The following LRP1B variants were observed in gnomAD, a reference collection of about 807,000 sequenced individuals.
LRP1B encodes the protein low-density lipoprotein receptor-related protein 1B.
In LRP1B, 217 loss-of-function variants were observed where a neutral mutation model predicts 556.6. The ratio of observed to expected loss-of-function variants is 0.39; its 90% CI spans 0.35 to 0.44. The LOEUF is 0.44. Among genes scored for constraint, LRP1B ranks in the 20% least tolerant of loss-of-function variants. The pLI is 1.00. For missense variants in LRP1B, 5,053 were observed against 5,620.8 expected (o/e 0.90, Z 3.23); for synonymous variants, 2,047 against 1,865.8 (o/e 1.10, Z -2.50).
At chr2:140,406,675 G>T (rs553669495) in intron 66 of LRP1B, among the ~76,000 whole-genome samples, 2 of 152,198 alleles carry the variant, frequency 1.3e-5, no homozygotes, top group East Asian at 3.9e-4. Flanking sequence ...ATAAAACATT[G>T]TTGGAAGAAA....
intron 2 of LRP1B, among the ~76,000 whole-genome samples, chr2:141,741,618 C>T (rs921192206): frequency 1.1e-4 from 16 of 152,052 alleles, no homozygotes; most frequent in African/African-American, 2.4e-4. Flanking sequence ...CTATACAGAT[C>T]TTTTGCCCAT....
chr2:141,286,876 C>T, intron 3 of LRP1B: 3 of 309,058 alleles, frequency 9.7e-6, no homozygotes, highest in East Asian at 8.7e-5. Flanking sequence ...TATTCTACAT[C>T]GGCATTGCCC....
intron 43 of LRP1B, among the ~76,000 whole-genome samples, chr2:140,549,193 C>T (rs1680455364): frequency 6.6e-6 from 1 of 152,044 alleles, no homozygotes; most frequent in Admixed American, 6.6e-5. Flanking sequence ...TTCACTAGGT[C>T]AGGTATTGAC....
intron 2 of LRP1B, among the ~76,000 whole-genome samples, chr2:141,707,496 T>C (rs1692188142): frequency 6.6e-6 from 1 of 152,116 alleles, no homozygotes; most frequent in Non-Finnish European, 1.5e-5. Context: ...AGAAATCCTC[T>C]ATTTAAGGGA....
chr2:141,006,191 A>G (rs1238094096), intron 14 of LRP1B, among the ~76,000 whole-genome samples: 2 of 152,092 alleles, frequency 1.3e-5, no homozygotes, highest in African/African-American at 4.8e-5. Context: ...AATTGTTCAT[A>G]GTCATAGTGA....
At position 141,946,813 on chromosome 2, in the gene LRP1B, A is replaced by G. The variant is rs566179867; in HGVS notation, c.83-136412T>C. 2.3e-4 allele frequency among the ~76,000 whole-genome samples: 35 copies of G among 152,310 alleles called. 1 individual carries two copies. The highest frequency in any genetic ancestry group is 8.2e-4 in the African/African-American group (34 of 41,566). On this transcript the variant is annotated intron_variant, in intron 1 of 90. Coordinates refer to ENST00000389484, the MANE Select transcript of LRP1B (RefSeq NM_018557.3). Reference sequence around the variant, plus strand: ...CCGACATTATTTGTTATAAGCCTAAAATAGATTTTTTAAAGTAACTTTAAT... The same window carrying G: ...CCGACATTATTTGTTATAAGCCTAAGATAGATTTTTTAAAGTAACTTTAAT...
At chr2:141,399,101 C>A (rs1690353290) in intron 3 of LRP1B, among the ~76,000 whole-genome samples, 1 of 151,946 alleles carries the variant, frequency 6.6e-6, no homozygotes, top group Non-Finnish European at 1.5e-5. Context: ...ACTAAAAATA[C>A]AAAAATTAGC....
chr2:141,483,136 T>C (rs1317991392), intron 2 of LRP1B, among the ~76,000 whole-genome samples: 3 of 112,484 alleles, frequency 2.7e-5, no homozygotes, highest in East Asian at 3.1e-4. Flanking sequence ...CAACAGTCCC[T>C]GGAGTGTGAT....
chr2:141,146,128 T>C (rs1488135350), intron 7 of LRP1B, among the ~76,000 whole-genome samples: 1 of 151,912 alleles, frequency 6.6e-6, no homozygotes, highest in Non-Finnish European at 1.5e-5. Flanking sequence ...TTTTGCCATA[T>C]TGGCCAGGCT....
At chr2:141,093,723 A>C (rs951246209) in intron 7 of LRP1B, among the ~76,000 whole-genome samples, 6 of 151,914 alleles carry the variant, frequency 3.9e-5, no homozygotes, top group Non-Finnish European at 5.9e-5. Context: ...AAAAAAAAAC[A>C]ACAATTTTTT....
In LRP1B at chr2:141,501,681, A is replaced by G. The variant is rs553935843; in HGVS notation, c.206-21148T>C. 2.6e-5 allele frequency among the ~76,000 whole-genome samples: 4 copies of G among 152,314 alleles called. No homozygotes were observed. The South Asian group carries it at 8.3e-4, about 32-fold the overall frequency. The stretch of plus-strand genomic sequence containing the variant: ...ACAAATGAAGCTATATACTGTAATT[A>G]ACAACCATATGGGATGTATTCATGA... On this transcript the variant is annotated intron_variant, in intron 2 of 90. Coordinates refer to ENST00000389484, the MANE Select transcript of LRP1B (RefSeq NM_018557.3).
At chr2:141,612,599 T>C (rs1688143390) in intron 2 of LRP1B, among the ~76,000 whole-genome samples, 1 of 152,170 alleles carries the variant, frequency 6.6e-6, no homozygotes. Context: ...TTTGTAGAAA[T>C]ACACCCAAAG....
chr2:142,058,447 G>C (rs1704760224), intron 1 of LRP1B, among the ~76,000 whole-genome samples: 1 of 152,172 alleles, frequency 6.6e-6, no homozygotes, highest in Non-Finnish European at 1.5e-5. Context: ...TTTAGCGCAA[G>C]CTTGTGCAAC....
intron 66 of LRP1B, among the ~76,000 whole-genome samples, chr2:140,437,934 C>T (rs2105294103): frequency 6.6e-6 from 1 of 152,108 alleles, no homozygotes; most frequent in African/African-American, 2.4e-5. Context: ...TGTTATATAA[C>T]TTATATAACA....
At chr2:140,432,837 T>C (rs1463255842) in intron 66 of LRP1B, among the ~76,000 whole-genome samples, 1 of 152,224 alleles carries the variant, frequency 6.6e-6, no homozygotes, top group East Asian at 1.9e-4. Context: ...AAACTGTGAT[T>C]AATTGAAATT....
rs910833698 is a variant in LRP1B, at chr2:141,756,626, G to A, written c.205+53653C>T. 2.6e-5 allele frequency among the ~76,000 whole-genome samples: 4 copies of A among 151,576 alleles called. No homozygotes were observed. In the Admixed American group the frequency reaches 2.6e-4, roughly 10 times the overall value. Reference sequence around the variant, plus strand: ...ATTTGAAACATTGTTGGAAAACATAGAGAATGGAGGTCCCATAAGATTAGA... The same window carrying A: ...ATTTGAAACATTGTTGGAAAACATAAAGAATGGAGGTCCCATAAGATTAGA... On this transcript the variant is annotated intron_variant, in intron 2 of 90. Transcript: ENST00000389484.
chr2:140,362,933 A>G (rs927600970), intron 72 of LRP1B, among the ~76,000 whole-genome samples: 1 of 151,604 alleles, frequency 6.6e-6, no homozygotes, highest in Non-Finnish European at 1.5e-5. Flanking sequence ...TCACCAAAAT[A>G]ATCATGGTCT....
chr2:141,335,796 AAG>A (rs1478813114), intron 3 of LRP1B, among the ~76,000 whole-genome samples: 3 of 152,172 alleles, frequency 2.0e-5, no homozygotes, highest in African/African-American at 4.8e-5. Context: ...GATGGAAAAA[AAG>A]AGAGATAAAC....
At chr2:140,968,800 T>C (rs1186470992) in intron 18 of LRP1B, among the ~76,000 whole-genome samples, 1 of 152,204 alleles carries the variant, frequency 6.6e-6, no homozygotes, top group Non-Finnish European at 1.5e-5. Flanking sequence ...TAGTAGTCAT[T>C]TAGGAGCAGA....
Sources: gnomAD v4.1 joint callset for allele counts (sites outside exome capture counted in the v4.1 genomes callset) on GRCh38, gnomAD v4.1.1 for gene constraint, MANE v1.5 for transcripts, NCBI Gene and HGNC (gene_info 2026-07-23, HGNC 2026-07-21) for gene names.